The following FAM209A variants were observed in gnomAD, a reference collection of about 807,000 sequenced individuals.
FAM209A encodes protein FAM209A.
In FAM209A, 4 loss-of-function variants were observed where a neutral mutation model predicts 9.8. The ratio of observed to expected loss-of-function variants is 0.41; its 90% CI spans 0.20 to 0.94. The LOEUF (loss-of-function observed/expected upper bound fraction) is 0.94. Ranked by LOEUF, FAM209A falls within the 40% of genes least tolerant of loss-of-function variation. The pLI, the probability that FAM209A is intolerant of heterozygous loss-of-function variation, is 0.32. For missense variants in FAM209A, 205 were observed against 209.4 expected (o/e 0.98, Z 0.13); for synonymous variants, 55 against 77.8 (o/e 0.71, Z 1.54).
chr20:56,532,036 G>T, the FAM209A span, among the ~76,000 whole-genome samples: 3 of 142,914 alleles, frequency 2.1e-5, no homozygotes, highest in Non-Finnish European at 3.0e-5. Context: ...GTGCAGTGGC[G>T]CCATCTAAGC....
rs538566652 is a variant in FAM209A at position 56,525,101 on chromosome 20, C to T, written c.249+44C>T. ...TTTTTACACCATATTGATTCAATCT[C>T]AGGAGTCTCAGGGAAACGGATGTTC... On this transcript the variant is annotated intron_variant, in intron 1 of 1. Coordinates refer to ENST00000371328, the MANE Select transcript of FAM209A (RefSeq NM_001012971.4). 7.5e-6 allele frequency: 12 copies of T among 1,602,058 alleles called. No homozygotes were observed. In the East Asian group the frequency reaches 1.8e-4, roughly 24 times the overall value.
chr20:56,526,342 C>T (rs150959423), downstream of FAM209A, among the ~76,000 whole-genome samples: 341 of 152,180 alleles, frequency 2.2e-3, no homozygotes, highest in African/African-American at 7.7e-3. Context: ...TCAATGGCCG[C>T]GGGTGGACGA....
chr20:56,524,969 G>T lies in FAM209A; in HGVS notation c.161G>T (p.Gly54Val). Residue 54 changes from glycine to valine, a missense_variant, in exon 1 of 2, where the codon GGC becomes GTC. Physicochemically the swap from Gly to Val is moderately radical, Grantham distance 109. Coordinates refer to ENST00000371328, the MANE Select transcript of FAM209A (RefSeq NM_001012971.4). Reference protein sequence around the residue: ...IRQNLPEHTQGWLGSKWLWLL... With the variant: ...IRQNLPEHTQVWLGSKWLWLL... ...CAGAATCTACCAGAGCACACCCAAG[G>T]CTGGCTTGGGAGCAAATGGCTCTGG... is the stretch of plus-strand genomic sequence containing the variant. The T allele has an allele frequency of 6.2e-7, 1 of 1,614,202 alleles. No homozygotes were observed. The highest frequency in any genetic ancestry group is 8.5e-7 in the Non-Finnish European group (1 of 1,180,042).
chr20:56,530,793 G>A (rs902439009), downstream of FAM209A, among the ~76,000 whole-genome samples: 3 of 151,972 alleles, frequency 2.0e-5, no homozygotes, highest in South Asian at 6.2e-4. Flanking sequence ...ACAGGCATGA[G>A]CCACTGCCCC....
downstream of FAM209A, among the ~76,000 whole-genome samples, chr20:56,528,427 C>CAAAAAAAAAAAAAAAAAAAAAAAAAAAAA (rs34236877): frequency 1.2e-5 from 1 of 81,854 alleles, no homozygotes. Context: ...ACCCTCTCTA[C>CAAAAAAAAAAAAAAAAAAAAAAAAAAAAA]AAAAAAAAAA....
chr20:56,530,025 C>T (rs1600850774), downstream of FAM209A, among the ~76,000 whole-genome samples: 1 of 151,940 alleles, frequency 6.6e-6, no homozygotes, highest in South Asian at 2.1e-4. Context: ...TGTCTCAAAA[C>T]AACAACGACA....
chr20:56,525,649 C>A, intron 1 of FAM209A, 155 bp from the exon 2 acceptor site: 1 of 761,996 alleles, frequency 1.3e-6, no homozygotes, highest in Non-Finnish European at 2.2e-6. Context: ...GATCGGCAAA[C>A]CCTTCCCGTA....
downstream of FAM209A, among the ~76,000 whole-genome samples, chr20:56,528,834 A>G (rs1985645793): frequency 6.6e-6 from 1 of 152,234 alleles, no homozygotes; most frequent in South Asian, 2.1e-4. Context: ...CAGTCTGTTA[A>G]TATGAGAGCA....
At chr20:56,527,441 C>T (rs1985579852), downstream of FAM209A, among the ~76,000 whole-genome samples, 2 of 152,182 alleles carry the variant, frequency 1.3e-5, no homozygotes, top group Non-Finnish European at 2.9e-5. Flanking sequence ...TGGTGACCTG[C>T]CCTCCTGCAG....
chr20:56,531,234 C>A, the FAM209A span, among the ~76,000 whole-genome samples: 1 of 152,046 alleles, frequency 6.6e-6, no homozygotes, highest in African/African-American at 2.4e-5. Context: ...TAGTATAGAG[C>A]AGTCCCCTTG....
At chr20:56,530,331 G>A (rs1985700732), downstream of FAM209A, among the ~76,000 whole-genome samples, 3 of 152,234 alleles carry the variant, frequency 2.0e-5, no homozygotes, top group South Asian at 6.2e-4. Flanking sequence ...AGTTTGTCAT[G>A]TGGAGGAGCA....
chr20:56,533,191 C>CTTA, the FAM209A span: 1 of 1,520,036 alleles, frequency 6.6e-7, no homozygotes, highest in Non-Finnish European at 8.8e-7. Flanking sequence ...TGACCTGTAA[C>CTTA]CTCTGTCCTG....
In FAM209A at chr20:56,525,787, A is replaced by T; in HGVS notation, c.250-17A>T. The T allele has an allele frequency of 1.2e-6, 2 of 1,609,382 alleles. No individual in the cohort carries two copies. The highest frequency in any genetic ancestry group is 1.7e-6 in the Non-Finnish European group (2 of 1,177,942). ...AAAGTTCACAATATTACTGACCTTGAGTATCTTTCCTGACAGGAGCAGAGT... is the reference window on the plus strand; with the variant it reads ...AAAGTTCACAATATTACTGACCTTGTGTATCTTTCCTGACAGGAGCAGAGT... On this transcript the variant is annotated splice_polypyrimidine_tract_variant and intron_variant, in intron 1 of 1. Coordinates refer to ENST00000371328, the MANE Select transcript of FAM209A (RefSeq NM_001012971.4).
downstream of FAM209A, among the ~76,000 whole-genome samples, chr20:56,529,778 G>A (rs550376703): frequency 3.1e-3 from 479 of 152,262 alleles, 2 homozygotes; most frequent in African/African-American, 0.011. Context: ...GCAGTGAGCC[G>A]AGATCACGCC....
At chr20:56,527,734 G>T (rs948745055), downstream of FAM209A, among the ~76,000 whole-genome samples, 3 of 152,256 alleles carry the variant, frequency 2.0e-5, no homozygotes, top group Non-Finnish European at 4.4e-5. Context: ...CTCAGGGGAA[G>T]GAGGCCCTGC....
At chr20:56,530,250 G>A (rs965508995), downstream of FAM209A, among the ~76,000 whole-genome samples, 1 of 149,048 alleles carries the variant, frequency 6.7e-6, no homozygotes, top group African/African-American at 2.5e-5. Context: ...GGAGGACAAA[G>A]TCATAGGCAG....
the FAM209A span, among the ~76,000 whole-genome samples, chr20:56,531,299 GTT>G: frequency 3.4e-4 from 45 of 133,952 alleles, no homozygotes; most frequent in Middle Eastern, 3.8e-3. Context: ...TTCTTTCTTT[GTT>G]TTTTTTTTTT....
chr20:56,531,949 T>TTTTTCTTTTC, the FAM209A span, among the ~76,000 whole-genome samples: 4,592 of 126,222 alleles, frequency 0.036, 118 homozygotes, highest in Admixed American at 0.056. Context: ...GTATACTCTT[T>TTTTTCTTTTC]TTTTCTTTTC....
At chr20:56,527,984 G>A (rs1016609690), downstream of FAM209A, among the ~76,000 whole-genome samples, 7 of 152,212 alleles carry the variant, frequency 4.6e-5, no homozygotes, top group African/African-American at 1.7e-4. Flanking sequence ...GAAGACACCT[G>A]TAATCCCAGC....
Sources: allele counts gnomAD v4.1 joint callset (sites outside exome capture counted in the v4.1 genomes callset), GRCh38; gene constraint gnomAD v4.1.1; transcripts MANE v1.5; gene names NCBI Gene and HGNC (gene_info 2026-07-23, HGNC 2026-07-21).